The following NARS2 variants were observed in gnomAD, a reference collection of about 807,000 sequenced individuals.
The protein encoded by NARS2 is asparaginyl-tRNA synthetase.
NARS2 carries 60 observed loss-of-function variants against 62.9 expected under a neutral mutation model. That is an observed-to-expected ratio of 0.95 (90% CI 0.77 to 1.18). NARS2 has a LOEUF of 1.18. Ranked by LOEUF, NARS2 falls within the 50% of genes most tolerant of loss-of-function variation. The pLI, the probability that NARS2 is intolerant of heterozygous loss-of-function variation, is 0.00. For missense variants in NARS2, 619 were observed against 576.4 expected (o/e 1.07, Z -0.76); for synonymous variants, 196 against 200.0 (o/e 0.98, Z 0.17).
intron 2 of NARS2, 69 bp downstream of exon 2, chr11:78,571,266 G>A: frequency 2.2e-6 from 2 of 926,396 alleles, no homozygotes; most frequent in Admixed American, 1.9e-5. Context: ...AAACACTGGA[G>A]TAGGGAAGTG....
chr11:78,548,053 AC>A (rs1855948242), intron 5 of NARS2, among the ~76,000 whole-genome samples: 1 of 152,130 alleles, frequency 6.6e-6, no homozygotes, highest in South Asian at 2.1e-4. Context: ...CCTTGTCTCT[AC>A]TAAAAATTAA....
intron 4 of NARS2, 25 bp downstream of exon 4, chr11:78,566,107 C>A (rs1856732768): frequency 2.5e-6 from 4 of 1,583,892 alleles, no homozygotes; most frequent in Admixed American, 3.7e-5. Context: ...TTTAAAGGGT[C>A]AAGAGGGAAC....
At chr11:78,454,455 GCT>G (rs1317605039) in intron 11 of NARS2, among the ~76,000 whole-genome samples, 4 of 151,986 alleles carry the variant, frequency 2.6e-5, no homozygotes, top group South Asian at 4.2e-4. Context: ...CTTCTTTCTT[GCT>G]CTCTGTTTTG....
chr11:78,459,926 C>T (rs1858327488), intron 11 of NARS2, among the ~76,000 whole-genome samples: 1 of 152,154 alleles, frequency 6.6e-6, no homozygotes, highest in African/African-American at 2.4e-5. Flanking sequence ...CTAACAGGGG[C>T]CTCTGACTCA....
Position 78,510,789 on chromosome 11 carries a change from G to A in NARS2, c.690-17594C>T, listed in dbSNP as rs549487729. Among the ~76,000 whole-genome samples the A allele has an allele frequency of 5.3e-5, 8 of 152,238 alleles. No homozygotes were observed. The East Asian group carries it at 7.7e-4, about 15-fold the overall frequency. On this transcript the variant is annotated intron_variant, in intron 6 of 13. Coordinates refer to ENST00000281038, the MANE Select transcript of NARS2 (RefSeq NM_024678.6). Reference sequence around the variant, plus strand: ...TACAACAAATGCAAAAAAAGAGAACGAATTAACAAATTTGATGGTATATCC... The same window carrying A: ...TACAACAAATGCAAAAAAAGAGAACAAATTAACAAATTTGATGGTATATCC...
chr11:78,498,696 T>C (rs1350378730), intron 6 of NARS2, among the ~76,000 whole-genome samples: 16 of 151,754 alleles, frequency 1.1e-4, no homozygotes, highest in African/African-American at 3.6e-4. Context: ...TCCTGTTGGT[T>C]TGGTGAAAAA....
intron 11 of NARS2, among the ~76,000 whole-genome samples, chr11:78,450,022 A>G (rs1372501579): frequency 6.6e-6 from 1 of 152,230 alleles, no homozygotes; most frequent in Non-Finnish European, 1.5e-5. Context: ...AAGCATTTGT[A>G]CAGAAGCAAC....
At position 78,471,285 on chromosome 11, in the gene NARS2, C is replaced by T. The variant is rs553690311; in HGVS notation, c.960-1972G>A. Among the ~76,000 whole-genome samples, 5 of 152,222 alleles carry T rather than the reference C, an allele frequency of 3.3e-5. No homozygotes were observed. The South Asian group carries it at 8.3e-4, about 25-fold the overall frequency. On this transcript the variant is annotated intron_variant, in intron 9 of 13. Transcript: ENST00000281038. ...TAAATAGTAAATCTTGATCTGCTGA[C>T]TCCAGAGTATAAGCTTTTAACGGCT...
At chr11:78,545,173 A>G (rs1161696779) in intron 5 of NARS2, among the ~76,000 whole-genome samples, 1 of 152,200 alleles carries the variant, frequency 6.6e-6, no homozygotes, top group Non-Finnish European at 1.5e-5. Context: ...TATTTTTCCA[A>G]TTAAGTGTAT....
At chr11:78,444,727 C>CAAAAAAAAAAAAA (rs1391489970) in intron 11 of NARS2, among the ~76,000 whole-genome samples, 9 of 92,418 alleles carry the variant, frequency 9.7e-5, no homozygotes, top group African/African-American at 3.2e-4. Flanking sequence ...TCAAACAAAA[C>CAAAAAAAAAAAAA]AAAAAAAAAA....
intron 2 of NARS2, among the ~76,000 whole-genome samples, chr11:78,570,561 T>G (rs1332626695): frequency 3.9e-5 from 6 of 152,234 alleles, no homozygotes; most frequent in Non-Finnish European, 7.3e-5. Flanking sequence ...CTCATTTTTA[T>G]ATTTTTGGTA....
chr11:78,457,963 T>C (rs1858234016), intron 11 of NARS2, among the ~76,000 whole-genome samples: 1 of 152,102 alleles, frequency 6.6e-6, no homozygotes, highest in Non-Finnish European at 1.5e-5. Context: ...AGTAGAACAG[T>C]GTGTAACGGG....
chr11:78,552,002 T>C (rs1856137789), intron 5 of NARS2, among the ~76,000 whole-genome samples: 1 of 152,136 alleles, frequency 6.6e-6, no homozygotes, highest in Non-Finnish European at 1.5e-5. Context: ...AACCCCTACA[T>C]TCATTTTATA....
rs992632441 is a variant in NARS2 at position 78,436,305 on chromosome 11, C to T, written c.*365G>A. 6.0e-6 allele frequency: 1 copy of T among 166,568 alleles called. No homozygotes were observed. Among genetic ancestry groups the T allele is most frequent in the Non-Finnish European group, 1.3e-5 (1 of 77,246 alleles). The allele number at this position is 166,568 out of a possible 1,614,324, so 10.3% of individuals were successfully genotyped here. ...TTTTATTTCGAGCTACTAGATGGTT[C>T]TCACAAATTACACAGGGAGTGATTT... On this transcript the variant is annotated 3_prime_UTR_variant, in exon 14 of 14. Coordinates refer to ENST00000281038, the MANE Select transcript of NARS2 (RefSeq NM_024678.6).
intron 5 of NARS2, chr11:78,546,517 TCTC>T: frequency 6.6e-6 from 1 of 152,212 alleles, no homozygotes; most frequent in East Asian, 1.9e-4. Context: ...AGATTTATTG[TCTC>T]CTCTTCTACA....
intron 4 of NARS2, 94 bp downstream of exon 4, chr11:78,566,038 C>T (rs1326408865): frequency 3.2e-5 from 34 of 1,056,842 alleles, no homozygotes; most frequent in Middle Eastern, 2.2e-4. Context: ...CCATAACTAA[C>T]AGACATGTTA....
chr11:78,557,674 T>C (rs1311104232), intron 5 of NARS2, among the ~76,000 whole-genome samples: 1 of 152,102 alleles, frequency 6.6e-6, no homozygotes, highest in Non-Finnish European at 1.5e-5. Flanking sequence ...AATATGAACA[T>C]AGTACACTTC....
intron 9 of NARS2, among the ~76,000 whole-genome samples, chr11:78,470,703 A>G (rs1004595789): frequency 1.3e-5 from 2 of 152,162 alleles, no homozygotes; most frequent in African/African-American, 2.4e-5. Flanking sequence ...CAAAGTTATT[A>G]TACACTGATT....
At chr11:78,474,438 A>C (rs1859001609) in intron 9 of NARS2, among the ~76,000 whole-genome samples, 1 of 152,238 alleles carries the variant, frequency 6.6e-6, no homozygotes, top group African/African-American at 2.4e-5. Flanking sequence ...CAGTCAATAA[A>C]TATTTGTTAA....
Sources: allele counts gnomAD v4.1 joint callset (sites outside exome capture counted in the v4.1 genomes callset), GRCh38; gene constraint gnomAD v4.1.1; transcripts MANE v1.5; gene names NCBI Gene and HGNC (gene_info 2026-07-23, HGNC 2026-07-21).